PPP6R2: variants seen among roughly 807,000 people sequenced by gnomAD.
PPP6R2 encodes serine/threonine-protein phosphatase 6 regulatory subunit 2.
In PPP6R2, 62 loss-of-function variants were observed where a neutral mutation model predicts 100.2. The observed-to-expected ratio is 0.62, with a 90% CI of 0.50 to 0.76. PPP6R2 has a LOEUF of 0.76. Ranked by LOEUF, PPP6R2 falls within the 30% of genes least tolerant of loss-of-function variation. PPP6R2 has a pLI of 0.00. For missense variants in PPP6R2, 1,142 were observed against 1,276.3 expected (o/e 0.89, Z 1.60); for synonymous variants, 525 against 514.7 (o/e 1.02, Z -0.27).
chr22:50,410,905 C>A (rs549321170), intron 4 of PPP6R2, among the ~76,000 whole-genome samples: 83 of 152,242 alleles, frequency 5.5e-4, no homozygotes, highest in African/African-American at 1.9e-3. Context: ...GATTCTCCTG[C>A]CTCAGCCTCC....
intron 13 of PPP6R2, among the ~76,000 whole-genome samples, chr22:50,435,772 C>T (rs775555951): frequency 2.6e-5 from 4 of 152,202 alleles, no homozygotes; most frequent in Non-Finnish European, 5.9e-5. Context: ...AGCTTCCCCA[C>T]ATCCTGGAGG....
rs1412416800 is a variant in PPP6R2, at chr22:50,437,535, G to A, written c.1713G>A (p.Met571Ile). ...TCTCTGACTACCAGATCCAGCAGAT[G>A]ACAGCCAACTTCGTGGATCAGTTTG... ...QAFSDYQIQQMTANFVDQFGF... is the reference protein window; with the variant it reads ...QAFSDYQIQQITANFVDQFGF... The change falls in exon 16 of 24, where the codon ATG (methionine) becomes ATA (isoleucine). Residue 571 changes from methionine to isoleucine, a missense_variant. Around this residue, in one of 2 missense-constraint regions of PPP6R2, gnomAD observed 592 missense variants for 758.9 expected, o/e 0.78. Coordinates refer to ENST00000612753, the MANE Select transcript of PPP6R2 (RefSeq NM_001242898.2). The A allele has an allele frequency of 7.3e-7, 1 of 1,376,568 alleles. No homozygotes were observed. The highest frequency in any genetic ancestry group is 4.2e-5 in the East Asian group (1 of 23,830). The allele number at this position is 1,376,568 out of a possible 1,614,324, so 85.3% of individuals were successfully genotyped here.
At chr22:50,355,390 C>A (rs531077892) in intron 1 of PPP6R2, among the ~76,000 whole-genome samples, 1 of 151,066 alleles carries the variant, frequency 6.6e-6, no homozygotes, top group East Asian at 1.9e-4. Flanking sequence ...AGGTACCTGC[C>A]ACCACGCCCG....
intron 1 of PPP6R2, among the ~76,000 whole-genome samples, chr22:50,370,883 C>G (rs980928432): frequency 6.6e-6 from 1 of 150,844 alleles, no homozygotes; most frequent in African/African-American, 2.4e-5. Context: ...CCACCCGCCT[C>G]GGCCTCCCAA....
chr22:50,440,122 T>C, intron 21 of PPP6R2, 73 bp downstream of exon 21: 2 of 1,359,452 alleles, frequency 1.5e-6, no homozygotes, highest in Non-Finnish European at 1.0e-6. Flanking sequence ...CCCCCCTCCT[T>C]GGGGGCAGTG....
In PPP6R2 at chr22:50,440,851, G is replaced by A. The variant is rs139823461; in HGVS notation, c.2404G>A (p.Val802Met). Residue 802 changes from valine (V) to methionine (M), a missense_variant, in exon 22 of 24, where the codon GTG becomes ATG. Coordinates refer to ENST00000612753, the MANE Select transcript of PPP6R2 (RefSeq NM_001242898.2). ...FSPASPCAWNVCVTRKAPLLA... is the reference protein window; with the variant it reads ...FSPASPCAWNMCVTRKAPLLA... ...CCCGGCTTCTCCATGTGCCTGGAAC[G>A]TGTGTGTCACCAGGAAGGCCCCCCT... The A allele has an allele frequency of 2.3e-5, 37 of 1,613,710 alleles. No individual in the cohort carries two copies. Among genetic ancestry groups the A allele is most frequent in the East Asian group, 4.5e-5 (2 of 44,902 alleles).
At chr22:50,383,174 A>T (rs2053494996) in intron 2 of PPP6R2, among the ~76,000 whole-genome samples, 1 of 152,124 alleles carries the variant, frequency 6.6e-6, no homozygotes. Context: ...GGGGTCCATG[A>T]ATACTCAAGG....
rs1661764970 is a variant in PPP6R2, at chr22:50,444,391, A to C, written c.*144A>C. The C allele has an allele frequency of 1.8e-6, 2 of 1,120,292 alleles. No individual in the cohort carries two copies. The highest frequency in any genetic ancestry group is 1.6e-5 in the African/African-American group (1 of 62,836). 69.4% of individuals were successfully genotyped at this position (1,120,292 alleles called of 1,614,324 possible). Reference sequence around the variant, plus strand: ...ATTGGTAAAGCTGGCAGTTGAAACCAGTTGGACGGCCCAGCTTGCGTCTCT... The same window carrying C: ...ATTGGTAAAGCTGGCAGTTGAAACCCGTTGGACGGCCCAGCTTGCGTCTCT... On this transcript the variant is annotated 3_prime_UTR_variant, in exon 24 of 24. Coordinates refer to ENST00000612753, the MANE Select transcript of PPP6R2 (RefSeq NM_001242898.2).
intron 1 of PPP6R2, among the ~76,000 whole-genome samples, chr22:50,356,275 T>G (rs1401396847): frequency 6.6e-6 from 1 of 151,920 alleles, no homozygotes; most frequent in East Asian, 1.9e-4. Context: ...TCCCTCTTCT[T>G]TTTAACACAG....
intron 4 of PPP6R2, among the ~76,000 whole-genome samples, chr22:50,413,287 A>C (rs2060032380): frequency 6.6e-6 from 1 of 152,104 alleles, no homozygotes; most frequent in Admixed American, 6.6e-5. Flanking sequence ...TTTCAAGGAA[A>C]TTTCTTTTCT....
chr22:50,356,342 ATC>A (rs1467293181), intron 1 of PPP6R2, among the ~76,000 whole-genome samples: 3 of 139,084 alleles, frequency 2.2e-5, no homozygotes, highest in African/African-American at 5.4e-5. Context: ...TCACTCTGTC[ATC>A]TCGGCTGGAA....
At chr22:50,432,129 C>T (rs1254333827) in intron 11 of PPP6R2, 136 bp from the exon 12 acceptor site, 6 of 753,992 alleles carry the variant, frequency 8.0e-6, no homozygotes, top group Non-Finnish European at 1.1e-5. Flanking sequence ...TGGGGCTGTG[C>T]GTGCGCAGCA....
chr22:50,428,872 G>A (rs143265160), intron 10 of PPP6R2, among the ~76,000 whole-genome samples: 415 of 152,300 alleles, frequency 2.7e-3, no homozygotes, highest in African/African-American at 9.3e-3. Flanking sequence ...TAGCAGTGGT[G>A]AGAGTGGGCA....
Position 50,418,986 on chromosome 22 carries a change from G to T in PPP6R2, c.731+7G>T. 6.2e-7 allele frequency: 1 copy of T among 1,606,858 alleles called. No homozygotes were observed. Among genetic ancestry groups the T allele is most frequent in the Non-Finnish European group, 8.5e-7 (1 of 1,173,520 alleles). On this transcript the variant is annotated splice_region_variant and intron_variant, in intron 7 of 23. Coordinates refer to ENST00000612753, the MANE Select transcript of PPP6R2 (RefSeq NM_001242898.2). Reference sequence around the variant, plus strand: ...TCCTCACAGCGCTGGAGTCGTGAGTGCTGGTGGGCCGTGGTGCTGGTGGGC... The same window carrying T: ...TCCTCACAGCGCTGGAGTCGTGAGTTCTGGTGGGCCGTGGTGCTGGTGGGC...
Position 50,444,195 on chromosome 22 carries a change from G to A in PPP6R2, c.2832-4G>A. 2 of 1,612,826 alleles carry A rather than the reference G, an allele frequency of 1.2e-6. No individual in the cohort carries two copies. Among genetic ancestry groups the A allele is most frequent in the Non-Finnish European group, 1.7e-6 (2 of 1,179,690 alleles). On this transcript the variant is annotated splice_polypyrimidine_tract_variant and splice_region_variant and intron_variant, in intron 23 of 23. Transcript: ENST00000612753. ...ACGGTTCCAACCCCACCCCATTCCT[G>A]CAGGAAGACAGATGCCCCGCCAGAA...
At chr22:50,395,867 C>T (rs1295594095) in intron 3 of PPP6R2, among the ~76,000 whole-genome samples, 3 of 150,036 alleles carry the variant, frequency 2.0e-5, no homozygotes, top group African/African-American at 4.9e-5. Context: ...GTGCCTGGCT[C>T]GTTTTACCTT....
intron 16 of PPP6R2, 74 bp downstream of exon 16, chr22:50,437,677 C>G (rs1302152862): frequency 2.1e-6 from 3 of 1,445,604 alleles, no homozygotes; most frequent in South Asian, 2.3e-5. Context: ...AGGCAGCTCC[C>G]TGAGGTCTTG....
chr22:50,355,847 A>C (rs1184744199), intron 1 of PPP6R2, among the ~76,000 whole-genome samples: 1 of 151,568 alleles, frequency 6.6e-6, no homozygotes, highest in South Asian at 2.1e-4. Context: ...AATGGAAAAA[A>C]AAAAACCAAA....
intron 2 of PPP6R2, among the ~76,000 whole-genome samples, chr22:50,373,864 G>T (rs2050850915): frequency 6.6e-6 from 1 of 152,052 alleles, no homozygotes; most frequent in Non-Finnish European, 1.5e-5. Flanking sequence ...CTCCCGAATA[G>T]CTGGGATTAC....
Sources: allele counts gnomAD v4.1 joint callset (sites outside exome capture counted in the v4.1 genomes callset), GRCh38; gene constraint gnomAD v4.1.1; regional missense constraint gnomAD v4.1.1; transcripts MANE v1.5; gene names NCBI Gene and HGNC (gene_info 2026-07-23, HGNC 2026-07-21).